AGO1: variants seen among roughly 807,000 people sequenced by gnomAD.
The protein encoded by AGO1 is protein argonaute-1.
In AGO1, 11 loss-of-function variants were observed where a neutral mutation model predicts 109.2. That is an observed-to-expected ratio of 0.10 (90% confidence interval 0.06 to 0.17). The LOEUF (loss-of-function observed/expected upper bound fraction) is 0.17, where lower values mean the gene tolerates loss of function less well. Ranked by LOEUF, AGO1 falls within the 10% of genes least tolerant of loss-of-function variation. AGO1 has a pLI of 1.00. For missense variants in AGO1, 574 were observed against 1,140.3 expected (o/e 0.50, Z 7.15); for synonymous variants, 422 against 418.6 (o/e 1.01, Z -0.10).
intron 1 of AGO1, among the ~76,000 whole-genome samples, chr1:35,871,551 GA>G (rs944764536): frequency 1.9e-4 from 27 of 139,676 alleles, no homozygotes; most frequent in African/African-American, 2.4e-4. Context: ...CAAAAAAAAA[GA>G]AAAAAAAAAG....
At chr1:35,883,065 G>C (rs1313949287), upstream of AGO1, 1 of 1,025,192 alleles carries the variant, frequency 9.8e-7, no homozygotes, top group African/African-American at 1.7e-5. The surrounding 1 kb of genome is among the most constrained non-coding windows in gnomAD (Gnocchi z 5.4). Flanking sequence ...CTCCCGCCGG[G>C]CTGCATGGCG....
chr1:35,876,350 T>C (rs1644992594), intron 1 of AGO1, among the ~76,000 whole-genome samples: 1 of 151,628 alleles, frequency 6.6e-6, no homozygotes. Context: ...CACTGCAAGC[T>C]CCGCCTACTG....
chr1:35,929,864 G>A lies in AGO1; in HGVS notation c.*10257G>A, dbSNP rs1384613036. On this transcript the variant is annotated 3_prime_UTR_variant, in exon 19 of 19. Transcript: ENST00000373204. ...TATATTACCTAACCTTACAAACTGT[G>A]TAAGGTACATGCTGTTCTCTCAATT... 6.6e-6 allele frequency: 1 copy of A among 152,120 alleles called. No individual in the cohort carries two copies. Among genetic ancestry groups the A allele is most frequent in the Non-Finnish European group, 1.5e-5 (1 of 68,040 alleles). 9.4% of individuals were successfully genotyped at this position (152,120 alleles called of 1,614,324 possible).
intron 11 of AGO1, among the ~76,000 whole-genome samples, chr1:35,903,751 T>C (rs1047870167): frequency 6.6e-6 from 1 of 150,988 alleles, no homozygotes; most frequent in African/African-American, 2.4e-5. Context: ...GATCACAAGG[T>C]CAGTAGTTTG....
chr1:35,906,959 G>C lies in AGO1; in HGVS notation c.1422G>C (p.Lys474Asn). The C allele has an allele frequency of 6.2e-7, 1 of 1,613,732 alleles. No individual in the cohort carries two copies. Among genetic ancestry groups the C allele is most frequent in the Non-Finnish European group, 8.5e-7 (1 of 1,179,758 alleles). The change falls in exon 12 of 19, where the codon AAG (lysine) becomes AAC (asparagine). Residue 474 changes from lysine (K) to asparagine (N), a missense_variant. Transcript: ENST00000373204. Reference sequence around the variant, plus strand: ...GGAACTTCACAGACCAGCTGCGGAAGATTTCCAAGGATGCGGGGATGCCTA... The same window carrying C: ...GGAACTTCACAGACCAGCTGCGGAACATTTCCAAGGATGCGGGGATGCCTA... ...VLKNFTDQLR[K>N]ISKDAGMPIQ...
At chr1:35,871,204 A>G (rs991881861) in intron 1 of AGO1, among the ~76,000 whole-genome samples, 1 of 151,992 alleles carries the variant, frequency 6.6e-6, no homozygotes, top group Non-Finnish European at 1.5e-5. Context: ...TGCCTGATTT[A>G]GTGGGTGAAA....
At chr1:35,884,205 G>C (rs1019121491) in intron 1 of AGO1, among the ~76,000 whole-genome samples, 2 of 152,058 alleles carry the variant, frequency 1.3e-5, no homozygotes, top group Admixed American at 1.3e-4. Context: ...CATTTTAGGG[G>C]CTCTTACACT....
chr1:35,871,589 G>A (rs1049275970), intron 1 of AGO1, among the ~76,000 whole-genome samples: 2 of 122,310 alleles, frequency 1.6e-5, no homozygotes, highest in African/African-American at 4.2e-5. Flanking sequence ...ATGATTTTTA[G>A]TCTGGGTGTG....
At position 35,893,542 on chromosome 1, in the gene AGO1, C is replaced by T. The variant is rs1645261265; in HGVS notation, c.513-132C>T. The T allele has an allele frequency of 5.0e-6, 5 of 997,830 alleles. No homozygotes were observed. In the South Asian group the frequency reaches 8.5e-5, roughly 17 times the overall value. 61.8% of individuals were successfully genotyped at this position (997,830 alleles called of 1,614,324 possible). ...AACTTGTACAAGGTCAGTCATACAA[C>T]TAGTAAAGCATCAGAGCTGGCATTA... On this transcript the variant is annotated intron_variant, in intron 4 of 18. Coordinates refer to ENST00000373204, the MANE Select transcript of AGO1 (RefSeq NM_012199.5). The surrounding 1 kb of genome is among the most constrained non-coding windows in gnomAD (Gnocchi z 5.6).
chr1:35,919,542 C>A lies in AGO1; in HGVS notation c.2509C>A (p.Pro837Thr). 1 of 1,614,166 alleles carries A rather than the reference C, an allele frequency of 6.2e-7. No homozygotes were observed. The highest frequency in any genetic ancestry group is 8.5e-7 in the Non-Finnish European group (1 of 1,180,030). The change falls in exon 19 of 19, where the codon CCC (proline) becomes ACC (threonine). Residue 837 changes from proline (P) to threonine (T), a missense_variant. This residue lies in a region of AGO1 where 33 missense variants were observed against 44.2 expected (regional missense o/e 0.75). Transcript: ENST00000373204. The surrounding 1 kb of genome is among the most constrained non-coding windows in gnomAD (Gnocchi z 6.6). ...ATCGGGGCAGAGCAATGGGCGGGAC[C>A]CCCAGGCCCTGGCCAAAGCCGTGCA... is the stretch of plus-strand genomic sequence containing the variant. ...HISGQSNGRD[P>T]QALAKAVQVH...
intron 12 of AGO1, among the ~76,000 whole-genome samples, chr1:35,913,476 A>C (rs1645678401): frequency 6.6e-6 from 1 of 151,868 alleles, no homozygotes; most frequent in Non-Finnish European, 1.5e-5. Context: ...AGCAGGGTGC[A>C]TTTTTGCATG....
chr1:35,922,339 C>T lies in AGO1; in HGVS notation c.*2732C>T, dbSNP rs1384154969. The T allele has an allele frequency of 6.6e-6, 1 of 152,380 alleles. No homozygotes were observed. Among genetic ancestry groups the T allele is most frequent in the Non-Finnish European group, 1.5e-5 (1 of 68,046 alleles). 9.4% of individuals were successfully genotyped at this position (152,380 alleles called of 1,614,324 possible). A position where few individuals can be genotyped will look rare whatever the true frequency, so the allele number is the denominator to read the frequency against. On this transcript the variant is annotated 3_prime_UTR_variant, in exon 19 of 19. Coordinates refer to ENST00000373204, the MANE Select transcript of AGO1 (RefSeq NM_012199.5). ...TTTGAGACTTGAAAAATACCCCGAC[C>T]TTGAGATTATTCCTGTTTGAAAGGT...
chr1:35,904,820 C>T (rs1645489839), intron 11 of AGO1, among the ~76,000 whole-genome samples: 1 of 152,120 alleles, frequency 6.6e-6, no homozygotes, highest in Non-Finnish European at 1.5e-5. Context: ...CTCAGAGAAA[C>T]TGGAAAATAA....
chr1:35,900,583 C>T lies in AGO1; in HGVS notation c.1021-891C>T, dbSNP rs568097782. On this transcript the variant is annotated intron_variant, in intron 8 of 18. Coordinates refer to ENST00000373204, the MANE Select transcript of AGO1 (RefSeq NM_012199.5). ...TCTCTATTAAAAATACAAAATTAGC[C>T]GGGCATGGTAGCACATGACTGTAAT... Among the ~76,000 whole-genome samples, 161 of 152,166 alleles carry T rather than the reference C, an allele frequency of 1.1e-3. 1 individual carries two copies. Among genetic ancestry groups the T allele is most frequent in the Non-Finnish European group, 1.9e-3 (129 of 67,994 alleles).
At chr1:35,871,957 G>A (rs1644954838) in intron 1 of AGO1, among the ~76,000 whole-genome samples, 1 of 150,136 alleles carries the variant, frequency 6.7e-6, no homozygotes, top group Non-Finnish European at 1.5e-5. Context: ...GTAGTCCCAG[G>A]TACTTGGGAG....
rs113158536 is a variant in AGO1, at chr1:35,914,306, T to G, written c.1833+32T>G. 98 of 1,576,294 alleles carry G rather than the reference T, an allele frequency of 6.2e-5. No individual in the cohort carries two copies. In the East Asian group the frequency reaches 2.0e-3, roughly 33 times the overall value. On this transcript the variant is annotated intron_variant, in intron 14 of 18. Coordinates refer to ENST00000373204, the MANE Select transcript of AGO1 (RefSeq NM_012199.5). ...GATATTCTGTAGCTGCCTCATAAGG[T>G]TCTCCTCTTCGCTCTGAGTCCTCAA... is the stretch of plus-strand genomic sequence containing the variant.
chr1:35,917,867 G>A, intron 16 of AGO1, 140 bp downstream of exon 16: 1 of 1,249,142 alleles, frequency 8.0e-7, no homozygotes, highest in Non-Finnish European at 1.1e-6. Flanking sequence ...CCTAGCTCTT[G>A]TGGTCCTTCC....
In AGO1 at chr1:35,917,726, G is replaced by A. The variant is rs1645760176; in HGVS notation, c.2162G>A (p.Arg721Gln). 1 of 1,612,580 alleles carries A rather than the reference G, an allele frequency of 6.2e-7. No homozygotes were observed. The highest frequency in any genetic ancestry group is 8.5e-7 in the Non-Finnish European group (1 of 1,178,832). ...TRLFCADKNERIGKSGNIPAG... is the reference protein window; with the variant it reads ...TRLFCADKNEQIGKSGNIPAG... ...CTTTTCTGTGCTGACAAGAATGAGC[G>A]AGTGAGTGAGGGACTGAGGCCTCCC... Residue 721 changes from arginine to glutamine, a missense_variant and splice_region_variant, in exon 16 of 19, where the codon CGA becomes CAA. Physicochemically the swap from Arg to Gln is conservative, Grantham distance 43. Around this residue, in one of 8 missense-constraint regions of AGO1, gnomAD observed 62 missense variants for 192.0 expected, o/e 0.32. Transcript: ENST00000373204.
intron 6 of AGO1, 44 bp downstream of exon 6, chr1:35,894,215 C>T: frequency 1.3e-6 from 2 of 1,575,786 alleles, no homozygotes; most frequent in Non-Finnish European, 8.6e-7. Flanking sequence ...GCCACTTTAG[C>T]CCTAAGAGGA....
Sources: gnomAD v4.1 joint callset for allele counts (sites outside exome capture counted in the v4.1 genomes callset) on GRCh38, gnomAD v4.1.1 for gene constraint, gnomAD v4.1.1 regional missense constraint, Gnocchi (gnomAD v3.1) non-coding constraint, MANE v1.5 for transcripts, NCBI Gene and HGNC (gene_info 2026-07-23, HGNC 2026-07-21) for gene names.